Variants in REV1 observed in about 807,000 individuals in gnomAD.
REV1 encodes REV1 DNA directed polymerase, also known as translesion synthesis protein REV1.
A neutral mutation model predicts 137.4 loss-of-function variants in REV1; 42 were observed. The ratio of observed to expected loss-of-function variants is 0.31; its 90% CI spans 0.24 to 0.40. The LOEUF (loss-of-function observed/expected upper bound fraction) is 0.40. Among genes scored for constraint, REV1 ranks in the 10% least tolerant of loss-of-function variants. The pLI is 1.00. For missense variants in REV1, 1,282 were observed against 1,490.1 expected (o/e 0.86, Z 2.30); for synonymous variants, 524 against 519.2 (o/e 1.01, Z -0.12).
intron 4 of REV1, among the ~76,000 whole-genome samples, chr2:99,443,256 T>C (rs1681739896): frequency 6.6e-6 from 1 of 152,260 alleles, no homozygotes; most frequent in Non-Finnish European, 1.5e-5. Context: ...TACTTTAATA[T>C]TAGAAAATAT....
intron 8 of REV1, 26 bp from the exon 9 acceptor site, chr2:99,429,974 G>A (rs1247774044): frequency 7.3e-7 from 1 of 1,369,326 alleles, no homozygotes; most frequent in African/African-American, 1.5e-5. Context: ...AAAATTAATG[G>A]TTATATGTTA....
chr2:99,403,434 T>TTAAGACA (rs1675790869), intron 19 of REV1: 7 of 570,984 alleles, frequency 1.2e-5, no homozygotes, highest in Non-Finnish European at 1.9e-5. Flanking sequence ...GAACAAGTAT[T>TTAAGACA]TAAGACATTT....
At chr2:99,476,924 G>A (rs1003260904) in intron 1 of REV1, among the ~76,000 whole-genome samples, 1 of 152,138 alleles carries the variant, frequency 6.6e-6, no homozygotes, top group African/African-American at 2.4e-5. Context: ...CTCTTCCCTT[G>A]GCTGATTTTA....
At chr2:99,442,078 C>T (rs983030167) in intron 5 of REV1, among the ~76,000 whole-genome samples, 3 of 151,472 alleles carry the variant, frequency 2.0e-5, no homozygotes, top group Non-Finnish European at 2.9e-5. Context: ...ATGGTGAAAC[C>T]CCGTCTCTAC....
chr2:99,489,488 G>A (rs1405486725), intron 1 of REV1, among the ~76,000 whole-genome samples: 2 of 144,068 alleles, frequency 1.4e-5, no homozygotes, highest in Admixed American at 1.4e-4. Context: ...CGGGCGCGGA[G>A]GGAAGGGCCG....
chr2:99,424,504 T>G, intron 9 of REV1: 1 of 524,584 alleles, frequency 1.9e-6, no homozygotes, highest in Non-Finnish European at 3.3e-6. Context: ...GCCAACTATG[T>G]CATTAAAATA....
chr2:99,426,218 A>C (rs905321502), intron 9 of REV1, among the ~76,000 whole-genome samples: 7 of 148,720 alleles, frequency 4.7e-5, no homozygotes, highest in African/African-American at 1.7e-4. Flanking sequence ...ATGGTGGCAC[A>C]CTCCTGCAAT....
At chr2:99,475,154 A>C (rs1165992982) in intron 1 of REV1, among the ~76,000 whole-genome samples, 2 of 152,188 alleles carry the variant, frequency 1.3e-5, no homozygotes, top group African/African-American at 4.8e-5. Flanking sequence ...TTTTGCCATG[A>C]GAGTACAAGG....
intron 1 of REV1, among the ~76,000 whole-genome samples, chr2:99,482,310 T>C (rs923293970): frequency 2.0e-5 from 3 of 152,244 alleles, no homozygotes; most frequent in African/African-American, 7.2e-5. Context: ...TTGTTCTATG[T>C]GTCTCTTTAA....
At chr2:99,432,480 A>T (rs902958266) in intron 8 of REV1, among the ~76,000 whole-genome samples, 1 of 152,242 alleles carries the variant, frequency 6.6e-6, no homozygotes, top group African/African-American at 2.4e-5. Flanking sequence ...CACTGAAAAA[A>T]GTTCTGAGCA....
chr2:99,417,213 C>T (rs1006536166), intron 12 of REV1, among the ~76,000 whole-genome samples: 6 of 152,070 alleles, frequency 3.9e-5, no homozygotes, highest in African/African-American at 1.4e-4. Context: ...GATCTTGGCT[C>T]GCTGCAACCT....
At chr2:99,416,976 G>A (rs369175845) in intron 12 of REV1, among the ~76,000 whole-genome samples, 3 of 151,190 alleles carry the variant, frequency 2.0e-5, no homozygotes, top group East Asian at 3.9e-4. Context: ...AAGGTGAATG[G>A]TAGGATTACT....
chr2:99,490,030 C>T (rs1322211016), upstream of REV1: 2 of 149,144 alleles, frequency 1.3e-5, no homozygotes, highest in African/African-American at 4.9e-5. Flanking sequence ...CGCCCCTCCC[C>T]CTCCGGTTAG....
chr2:99,429,399 T>C (rs955302869), intron 9 of REV1, among the ~76,000 whole-genome samples: 1 of 152,224 alleles, frequency 6.6e-6, no homozygotes, highest in African/African-American at 2.4e-5. Flanking sequence ...AATAATTCAA[T>C]TATTTACTTA....
intron 15 of REV1, among the ~76,000 whole-genome samples, chr2:99,407,166 G>C (rs1676442742): frequency 7.9e-6 from 1 of 126,426 alleles, no homozygotes; most frequent in Non-Finnish European, 1.6e-5. Flanking sequence ...CTTGGCTCAT[G>C]CAAGCTCTGC....
chr2:99,420,642 T>G (rs1341975248), intron 11 of REV1, among the ~76,000 whole-genome samples: 2 of 152,238 alleles, frequency 1.3e-5, no homozygotes, highest in Non-Finnish European at 2.9e-5. Flanking sequence ...AAATTCTTCT[T>G]TCAATGGCAT....
Position 99,444,143 on chromosome 2 carries a change from C to T in REV1, c.351-1674G>A, listed in dbSNP as rs115586655. Among the ~76,000 whole-genome samples, 993 of 152,294 alleles carry T rather than the reference C, an allele frequency of 6.5e-3. 18 individuals carry two copies. Among genetic ancestry groups the T allele is most frequent in the African/African-American group, 0.023 (951 of 41,560 alleles). ...CCCTTTTCTTCCTTTAATAGTTGGTCTCAATTGCCTAACTATAAATCTTTG... is the reference window on the plus strand; with the variant it reads ...CCCTTTTCTTCCTTTAATAGTTGGTTTCAATTGCCTAACTATAAATCTTTG... On this transcript the variant is annotated intron_variant, in intron 4 of 22. Coordinates refer to ENST00000258428, the MANE Select transcript of REV1 (RefSeq NM_016316.4).
At chr2:99,437,584 A>T (rs1680921912) in intron 6 of REV1, among the ~76,000 whole-genome samples, 1 of 152,196 alleles carries the variant, frequency 6.6e-6, no homozygotes. Context: ...ACAACTCAAA[A>T]TAACGCTTTT....
Position 99,400,984 on chromosome 2 carries a change from T to C in REV1, c.*257A>G, listed in dbSNP as rs898410882. ...TTCTTTATTAAACAACTGTAAACAC[T>C]TCACTGTAAAAATCCATAAAACTTT... On this transcript the variant is annotated 3_prime_UTR_variant, in exon 23 of 23. Coordinates refer to ENST00000258428, the MANE Select transcript of REV1 (RefSeq NM_016316.4). The C allele has an allele frequency of 3.8e-6, 1 of 265,540 alleles. No individual in the cohort carries two copies. Among genetic ancestry groups the C allele is most frequent in the East Asian group, 7.3e-5 (1 of 13,736 alleles). The allele number at this position is 265,540 out of a possible 1,614,324, so 16.4% of individuals were successfully genotyped here.
Sources: gnomAD v4.1 joint callset for allele counts (sites outside exome capture counted in the v4.1 genomes callset) on GRCh38, gnomAD v4.1.1 for gene constraint, MANE v1.5 for transcripts, NCBI Gene and HGNC (gene_info 2026-07-23, HGNC 2026-07-21) for gene names.